The following ARFGEF2 variants were observed in gnomAD, a reference collection of about 807,000 sequenced individuals.
ARFGEF2 encodes the protein ARF guanine nucleotide exchange factor 2.
In ARFGEF2, 74 loss-of-function variants were observed where a neutral mutation model predicts 219.9. The ratio of observed to expected loss-of-function variants is 0.34; its 90% CI spans 0.28 to 0.41. ARFGEF2 has a LOEUF of 0.41. Ranked by LOEUF, ARFGEF2 falls within the 10% of genes least tolerant of loss-of-function variation. The pLI, the probability that ARFGEF2 is intolerant of heterozygous loss-of-function variation, is 1.00. For synonymous variants in ARFGEF2, 733 were observed against 799.2 expected, an observed-to-expected ratio of 0.92 and a Z score of 1.40; for missense variants, 1,743 against 2,218.3, an observed-to-expected ratio of 0.79 and a Z score of 4.30.
chr20:48,944,404 C>T (rs552472867), intron 3 of ARFGEF2, among the ~76,000 whole-genome samples: 21 of 152,246 alleles, frequency 1.4e-4, no homozygotes, highest in African/African-American at 4.6e-4. Flanking sequence ...TGTGTAGTCC[C>T]CTCGACAGCC....
In ARFGEF2 at chr20:48,943,751, C is replaced by T. The variant is rs187200013; in HGVS notation, c.276+1764C>T. Among the ~76,000 whole-genome samples the T allele has an allele frequency of 4.6e-5, 7 of 152,222 alleles. No homozygotes were observed. In the East Asian group the frequency reaches 1.4e-3, roughly 29 times the overall value. On this transcript the variant is annotated intron_variant, in intron 3 of 38. Transcript: ENST00000371917. ...ACACCTGGCTCAAAGAACATTTATT[C>T]TTGACCTCAGTGGGCAGTCCACATC...
chr20:49,032,683 C>T (rs1395689899), intron 38 of ARFGEF2, among the ~76,000 whole-genome samples: 1 of 151,860 alleles, frequency 6.6e-6, no homozygotes, highest in East Asian at 1.9e-4. Context: ...TTTCTGCCTC[C>T]CAGGCTCAAG....
At chr20:49,027,414 A>G (rs2091610229) in intron 36 of ARFGEF2, among the ~76,000 whole-genome samples, 2 of 152,212 alleles carry the variant, frequency 1.3e-5, no homozygotes, top group African/African-American at 4.8e-5. Context: ...AATGGAGAGC[A>G]GGCCAGGCAA....
At position 48,982,242 on chromosome 20, in the gene ARFGEF2, T is replaced by C. The variant is rs7266868; in HGVS notation, c.1959-2487T>C. Among the ~76,000 whole-genome samples, 816 of 152,318 alleles carry C rather than the reference T, an allele frequency of 5.4e-3. 8 individuals are homozygous for C. The highest frequency in any genetic ancestry group is 0.018 in the African/African-American group (766 of 41,566). On this transcript the variant is annotated intron_variant, in intron 14 of 38. Transcript: ENST00000371917. Reference sequence around the variant, plus strand: ...GCTTTCCTTCTAACAGTCAGGTCCCTCAGCTGCAGGTCTGTGGGAGTTTGC... The same window carrying C: ...GCTTTCCTTCTAACAGTCAGGTCCCCCAGCTGCAGGTCTGTGGGAGTTTGC...
rs1053701176 is a variant in ARFGEF2 at position 48,921,802 on chromosome 20, C to T, written c.-88C>T. ...CGGCGCGGACGGACGCGGCCGGTGCCGGCCGGGACGCCGGGCCCGCAGCCT... is the reference window on the plus strand; with the variant it reads ...CGGCGCGGACGGACGCGGCCGGTGCTGGCCGGGACGCCGGGCCCGCAGCCT... On this transcript the variant is annotated 5_prime_UTR_variant, in exon 1 of 39. Transcript: ENST00000371917. The T allele has an allele frequency of 6.6e-6, 8 of 1,220,010 alleles. No individual in the cohort carries two copies. Among genetic ancestry groups the T allele is most frequent in the African/African-American group, 6.5e-5 (4 of 61,978 alleles). The allele number at this position is 1,220,010 out of a possible 1,614,324, so 75.6% of individuals were successfully genotyped here.
intron 7 of ARFGEF2, 111 bp from the exon 8 acceptor site, chr20:48,965,761 G>A: frequency 7.5e-7 from 1 of 1,327,286 alleles, no homozygotes; most frequent in Non-Finnish European, 1.1e-6. Flanking sequence ...ACAGGAAAAG[G>A]GGAAAAAGCA....
At chr20:48,941,764 G>T in intron 2 of ARFGEF2, 100 bp from the exon 3 acceptor site, 11 of 1,550,714 alleles carry the variant, frequency 7.1e-6, no homozygotes, top group South Asian at 2.2e-5. Flanking sequence ...GATATAGTTT[G>T]CAGGCACTTT....
In ARFGEF2 at chr20:48,941,222, A is replaced by G; in HGVS notation, c.145A>G (p.Lys49Glu). 1 of 1,613,462 alleles carries G rather than the reference A, an allele frequency of 6.2e-7. No homozygotes were observed. Among genetic ancestry groups the G allele is most frequent in the Non-Finnish European group, 8.5e-7 (1 of 1,179,610 alleles). Reference sequence around the variant, plus strand: ...AGATGAAATTAAAGCAGAAATAGAAAAGCAGAGGTAAGCTATAGCACTACC... The same window carrying G: ...AGATGAAATTAAAGCAGAAATAGAAGAGCAGAGGTAAGCTATAGCACTACC... ...ALDEIKAEIEKQRLGTAAPPK... is the reference protein window; with the variant it reads ...ALDEIKAEIEEQRLGTAAPPK... Residue 49 changes from lysine (K) to glutamate (E), a missense_variant, in exon 2 of 39, where the codon AAG (lysine) becomes GAG (glutamate). Coordinates refer to ENST00000371917, the MANE Select transcript of ARFGEF2 (RefSeq NM_006420.3).
chr20:48,984,683 CA>C, intron 14 of ARFGEF2, 45 bp from the exon 15 acceptor site: 1 of 1,612,366 alleles, frequency 6.2e-7, no homozygotes. Context: ...TGCTATCCTC[CA>C]GATTTTGAAA....
At chr20:48,928,989 C>A (rs1183640653) in intron 1 of ARFGEF2, among the ~76,000 whole-genome samples, 1 of 152,152 alleles carries the variant, frequency 6.6e-6, no homozygotes, top group Non-Finnish European at 1.5e-5. Flanking sequence ...AACAGTAAGA[C>A]CATTCTTCAT....
chr20:49,030,466 C>CAAA (rs371546042), intron 37 of ARFGEF2, among the ~76,000 whole-genome samples: 1 of 63,782 alleles, frequency 1.6e-5, no homozygotes. Context: ...GAAATCTTAG[C>CAAA]AAAAAAAAAA....
At chr20:48,939,987 C>T (rs1447348722) in intron 1 of ARFGEF2, among the ~76,000 whole-genome samples, 1 of 152,170 alleles carries the variant, frequency 6.6e-6, no homozygotes, top group Non-Finnish European at 1.5e-5. Flanking sequence ...ACCTCCTTCC[C>T]AAGGCTGATT....
At chr20:49,020,928 C>A (rs2091561754) in intron 34 of ARFGEF2, among the ~76,000 whole-genome samples, 1 of 152,224 alleles carries the variant, frequency 6.6e-6, no homozygotes, top group Admixed American at 6.5e-5. Context: ...AGTCTCCCAG[C>A]TCAGCCATAA....
rs756248801 is a variant in ARFGEF2, at chr20:48,969,221, C to T, written c.1134C>T (p.Phe378=). Residue 378 remains phenylalanine, a synonymous_variant, in exon 9 of 39, where the codon TTC becomes TTT. Transcript: ENST00000371917. ...TGCAGAAGGATGCCTTCCTTGTGTTCCGCTCCCTGTGCAAGCTGTCCATGA... is the reference window on the plus strand; with the variant it reads ...TGCAGAAGGATGCCTTCCTTGTGTTTCGCTCCCTGTGCAAGCTGTCCATGA... ...HVLQKDAFLV[F]RSLCKLSMKP... 2 of 1,614,210 alleles carry T rather than the reference C, an allele frequency of 1.2e-6. No homozygotes were observed. Among genetic ancestry groups the T allele is most frequent in the Admixed American group, 1.7e-5 (1 of 60,030 alleles).
In ARFGEF2 at chr20:48,925,199, C is replaced by T. The variant is rs8114245; in HGVS notation, c.121+3189C>T. ...CAGATTTGGAGTAATCTCAATGATT[C>T]GTCCGCACTATACACCAAAAGCATA... On this transcript the variant is annotated intron_variant, in intron 1 of 38. Coordinates refer to ENST00000371917, the MANE Select transcript of ARFGEF2 (RefSeq NM_006420.3). 3.2e-3 allele frequency among the ~76,000 whole-genome samples: 488 copies of T among 152,252 alleles called. 2 individuals carry two copies. Among genetic ancestry groups the T allele is most frequent in the African/African-American group, 0.011 (471 of 41,548 alleles).
intron 31 of ARFGEF2, among the ~76,000 whole-genome samples, chr20:49,016,995 A>G (rs1275216958): frequency 1.3e-5 from 2 of 152,240 alleles, no homozygotes; most frequent in African/African-American, 4.8e-5. Context: ...ACCATTTTTC[A>G]TACATGAGCC....
chr20:48,923,212 A>G (rs1032979997), intron 1 of ARFGEF2, among the ~76,000 whole-genome samples: 3 of 152,180 alleles, frequency 2.0e-5, no homozygotes, highest in African/African-American at 4.8e-5. Context: ...CACTGCCCCA[A>G]CGTCTTTGGT....
intron 8 of ARFGEF2, among the ~76,000 whole-genome samples, chr20:48,968,830 T>C (rs992772305): frequency 6.6e-6 from 1 of 152,178 alleles, no homozygotes; most frequent in Non-Finnish European, 1.5e-5. Flanking sequence ...TGATGGCTTC[T>C]CCATAGCTCC....
chr20:49,028,447 A>G (rs2091615870), intron 36 of ARFGEF2, 83 bp from the exon 37 acceptor site: 2 of 1,425,942 alleles, frequency 1.4e-6, no homozygotes, highest in Admixed American at 1.7e-5. Flanking sequence ...CATATTTCAT[A>G]AAATAACTAG....
Sources: gnomAD v4.1 joint callset for allele counts (sites outside exome capture counted in the v4.1 genomes callset) on GRCh38, gnomAD v4.1.1 for gene constraint, MANE v1.5 for transcripts, NCBI Gene and HGNC (gene_info 2026-07-23, HGNC 2026-07-21) for gene names.